HIVEP3: variants seen among roughly 807,000 people sequenced by gnomAD.
The protein encoded by HIVEP3 is HIVEP zinc finger 3, also known as transcription factor HIVEP3.
A neutral mutation model predicts 152.8 loss-of-function variants in HIVEP3; 49 were observed. The ratio of observed to expected loss-of-function variants is 0.32; its 90% confidence interval spans 0.26 to 0.41. HIVEP3 has a LOEUF of 0.41. HIVEP3 is among the 10% of genes least tolerant of loss of function. The pLI, the probability that HIVEP3 is intolerant of heterozygous loss-of-function variation, is 1.00. For missense variants in HIVEP3, 2,790 were observed against 3,103.3 expected (o/e 0.90, Z 2.40); for synonymous variants, 1,269 against 1,289.0 (o/e 0.98, Z 0.33).
chr1:41,916,655 A>C lies in HIVEP3; in HGVS notation c.-801+1758T>G, dbSNP rs115466408. On this transcript the variant is annotated intron_variant, in intron 1 of 8. Coordinates refer to ENST00000372583, the MANE Select transcript of HIVEP3 (RefSeq NM_024503.5). ...AGCCTCTGCAAGCCATCACAACTTT[A>C]AAGAGCATATGTCAAACAGCTCAGA... Among the ~76,000 whole-genome samples, 385 of 152,286 alleles carry C rather than the reference A, an allele frequency of 2.5e-3. 3 individuals carry two copies. The highest frequency in any genetic ancestry group is 8.9e-3 in the African/African-American group (369 of 41,544).
chr1:41,516,557 C>T (rs1318748644), intron 7 of HIVEP3, among the ~76,000 whole-genome samples: 3 of 152,216 alleles, frequency 2.0e-5, no homozygotes, highest in Non-Finnish European at 4.4e-5. Flanking sequence ...AGAATCCCGC[C>T]GCTTTTCCAC....
At position 41,541,348 on chromosome 1, in the gene HIVEP3, G is replaced by T. The variant is rs141645911; in HGVS notation, c.5208-16438C>A. 3.8e-3 allele frequency among the ~76,000 whole-genome samples: 578 copies of T among 152,298 alleles called. 1 individual carries two copies. The highest frequency in any genetic ancestry group is 8.3e-3 in the Admixed American group (127 of 15,300). On this transcript the variant is annotated intron_variant, in intron 5 of 8. Transcript: ENST00000372583. ...CAACTCAAAGTGGGTTTTCCTTGCA[G>T]CGAGCTATTTAGGGATGCCTGTTGT...
intron 5 of HIVEP3, among the ~76,000 whole-genome samples, chr1:41,530,873 G>A (rs1643224094): frequency 6.6e-6 from 1 of 152,226 alleles, no homozygotes; most frequent in Admixed American, 6.5e-5. Flanking sequence ...GAGGGAGAGA[G>A]AGGACTCTGA....
chr1:41,947,898 A>C (rs1465238648), intron 1 of HIVEP3, among the ~76,000 whole-genome samples: 1 of 152,244 alleles, frequency 6.6e-6, no homozygotes, highest in Non-Finnish European at 1.5e-5. Context: ...TGTGAATGGC[A>C]TACTCACTGC....
At chr1:41,574,905 C>A (rs1644304198) in intron 5 of HIVEP3, among the ~76,000 whole-genome samples, 1 of 152,234 alleles carries the variant, frequency 6.6e-6, no homozygotes, top group East Asian at 1.9e-4. Flanking sequence ...TTCCAGAGCC[C>A]AGACAGTCCC....
rs80063096 is a variant in HIVEP3 at position 41,769,009 on chromosome 1, T to C, written c.-800-68014A>G. On this transcript the variant is annotated intron_variant, in intron 1 of 8. Coordinates refer to ENST00000372583, the MANE Select transcript of HIVEP3 (RefSeq NM_024503.5). ...ATGAAGCCTGCCAATCTCATGTCCC[T>C]TGTGCTGCAGAAGCACTTGGCCAGC... Among the ~76,000 whole-genome samples, 520 of 152,362 alleles carry C rather than the reference T, an allele frequency of 3.4e-3. 5 individuals are homozygous for C. The highest frequency in any genetic ancestry group is 0.011 in the African/African-American group (445 of 41,582).
chr1:41,693,562 C>A (rs529196559), intron 2 of HIVEP3, among the ~76,000 whole-genome samples: 2 of 152,164 alleles, frequency 1.3e-5, no homozygotes, highest in East Asian at 1.9e-4. Flanking sequence ...TGCTGCTAAC[C>A]TTTTACCCAT....
At chr1:41,780,614 C>A (rs1183599601) in intron 1 of HIVEP3, among the ~76,000 whole-genome samples, 1 of 152,178 alleles carries the variant, frequency 6.6e-6, no homozygotes, top group Non-Finnish European at 1.5e-5. Flanking sequence ...TAAGGCAGGA[C>A]CTTCCTGCCC....
intron 1 of HIVEP3, among the ~76,000 whole-genome samples, chr1:41,980,742 C>G (rs1645289412): frequency 6.6e-6 from 1 of 152,136 alleles, no homozygotes; most frequent in African/African-American, 2.4e-5. Flanking sequence ...ATGGAACCGT[C>G]TGAGGGCCAT....
chr1:41,866,655 T>G lies in HIVEP3; in HGVS notation c.-801+51758A>C, dbSNP rs543257237. 4.6e-5 allele frequency among the ~76,000 whole-genome samples: 7 copies of G among 152,328 alleles called. No homozygotes were observed. The South Asian group carries it at 1.4e-3, about 32-fold the overall frequency. On this transcript the variant is annotated intron_variant, in intron 1 of 8. Coordinates refer to ENST00000372583, the MANE Select transcript of HIVEP3 (RefSeq NM_024503.5). ...TCTCTTCCCCAGCTACCTCCTCCTC[T>G]TCTCCAAATCAGCCTTCTCTTGGCT...
rs1642823980 is a variant in HIVEP3 at position 41,523,671 on chromosome 1, G to A, written c.5383+1064C>T. On this transcript the variant is annotated intron_variant, in intron 6 of 8. Coordinates refer to ENST00000372583, the MANE Select transcript of HIVEP3 (RefSeq NM_024503.5). ...GGGCCCCCTCCAGAGCAGCTGCCCA[G>A]CCTCGCTTGCTGGGAGCAACTTTGC... Among the ~76,000 whole-genome samples, 4 of 152,296 alleles carry A rather than the reference G, an allele frequency of 2.6e-5. No individual in the cohort carries two copies. In the South Asian group the frequency reaches 8.3e-4, roughly 32 times the overall value.
At chr1:41,593,044 G>T (rs1015483098) in intron 3 of HIVEP3, among the ~76,000 whole-genome samples, 13 of 152,180 alleles carry the variant, frequency 8.5e-5, no homozygotes, top group African/African-American at 2.7e-4. Context: ...TCTCCTTTGG[G>T]CTTGGGTTCC....
intron 1 of HIVEP3, among the ~76,000 whole-genome samples, chr1:41,957,028 G>T (rs1447417794): frequency 6.6e-6 from 1 of 152,106 alleles, no homozygotes; most frequent in Non-Finnish European, 1.5e-5. Context: ...GCATATATTT[G>T]GAAGTGAAAT....
At chr1:41,795,891 G>T (rs1000750168) in intron 1 of HIVEP3, among the ~76,000 whole-genome samples, 1 of 151,938 alleles carries the variant, frequency 6.6e-6, no homozygotes, top group South Asian at 2.1e-4. Context: ...TTGTGTGTTT[G>T]CTTTTTGTTT....
At chr1:41,544,739 C>CT (rs1643640554) in intron 5 of HIVEP3, among the ~76,000 whole-genome samples, 4 of 138,352 alleles carry the variant, frequency 2.9e-5, no homozygotes, top group East Asian at 2.0e-4. Flanking sequence ...CCGCTACCAT[C>CT]ACCACCACTA....
intron 2 of HIVEP3, among the ~76,000 whole-genome samples, chr1:41,675,638 C>G (rs1645942909): frequency 6.6e-6 from 1 of 152,208 alleles, no homozygotes; most frequent in Non-Finnish European, 1.5e-5. Flanking sequence ...ATGCTGAGCC[C>G]TGGGATCAGA....
chr1:41,694,130 A>G (rs1646237395), intron 2 of HIVEP3, among the ~76,000 whole-genome samples: 1 of 152,186 alleles, frequency 6.6e-6, no homozygotes, highest in Admixed American at 6.5e-5. Context: ...ACAATTTATA[A>G]TACCTTCTTC....
intron 3 of HIVEP3, among the ~76,000 whole-genome samples, chr1:41,619,516 G>C (rs1233779844): frequency 6.6e-6 from 1 of 152,216 alleles, no homozygotes; most frequent in Non-Finnish European, 1.5e-5. Context: ...CAAGAGGCAG[G>C]TGTTTTGTGC....
chr1:41,771,214 G>A (rs1360072574), intron 1 of HIVEP3, among the ~76,000 whole-genome samples: 1 of 151,906 alleles, frequency 6.6e-6, no homozygotes, highest in Non-Finnish European at 1.5e-5. Flanking sequence ...ATAAATAGAA[G>A]ATTATTTCAA....
Sources: allele counts gnomAD v4.1 joint callset (sites outside exome capture counted in the v4.1 genomes callset), GRCh38; gene constraint gnomAD v4.1.1; transcripts MANE v1.5; gene names NCBI Gene and HGNC (gene_info 2026-07-23, HGNC 2026-07-21).